The following SLC6A13 variants were observed in gnomAD, a reference collection of about 807,000 sequenced individuals.
SLC6A13 encodes sodium- and chloride-dependent GABA transporter 2.
In SLC6A13, 69 loss-of-function variants were observed where a neutral mutation model predicts 72.9. The ratio of observed to expected loss-of-function variants is 0.95; its 90% CI spans 0.78 to 1.16. SLC6A13 has a LOEUF of 1.16. Ranked by LOEUF, SLC6A13 falls within the 50% of genes most tolerant of loss-of-function variation. The pLI, the probability that SLC6A13 is intolerant of heterozygous loss-of-function variation, is 0.00. For synonymous variants in SLC6A13, 303 were observed against 303.0 expected (o/e 1.00, Z 0.00); for missense variants, 735 against 760.5 (o/e 0.97, Z 0.39).
rs1388629882 is a variant in SLC6A13 at position 224,338 on chromosome 12, C to T, written c.1173+63G>A. 2.7e-6 allele frequency: 4 copies of T among 1,464,804 alleles called. No homozygotes were observed. In the East Asian group the frequency reaches 6.8e-5, roughly 25 times the overall value. 90.7% of individuals were successfully genotyped at this position (1,464,804 alleles called of 1,614,324 possible). A position where few individuals can be genotyped will look rare whatever the true frequency, so the allele number is the denominator to read the frequency against. The stretch of plus-strand genomic sequence containing the variant: ...CCACTTCTGACATTCACCCATGGCT[C>T]CTCCTCCCCAGCACACACCCCCCCA... On this transcript the variant is annotated intron_variant, in intron 10 of 14. Coordinates refer to ENST00000343164, the MANE Select transcript of SLC6A13 (RefSeq NM_016615.5).
Position 243,747 on chromosome 12 carries a change from G to A in SLC6A13, c.269C>T (p.Thr90Ile), listed in dbSNP as rs760465048. The A allele has an allele frequency of 6.2e-7, 1 of 1,614,132 alleles. No individual in the cohort carries two copies. The highest frequency in any genetic ancestry group is 1.1e-5 in the South Asian group (1 of 91,086). The part of the protein sequence containing the change: ...TCGIPVFLLE[T>I]ALGQYTSQGG... The stretch of plus-strand genomic sequence containing the variant: ...CTGGCTAGTGTACTGGCCTAGTGCT[G>A]TCTCCAGAAGGAAGACAGGAATGCC... Residue 90 changes from threonine to isoleucine, a missense_variant, in exon 3 of 15, where the codon ACA becomes ATA. Thr to Ile is a moderately conservative substitution (Grantham distance 89). Transcript: ENST00000343164.
intron 7 of SLC6A13, among the ~76,000 whole-genome samples, chr12:229,519 G>C (rs1476083624): frequency 6.6e-6 from 1 of 152,186 alleles, no homozygotes; most frequent in African/African-American, 2.4e-5. Flanking sequence ...TCAAGAGCAG[G>C]ACCTTCTGGC....
intron 1 of SLC6A13, among the ~76,000 whole-genome samples, chr12:261,251 T>C (rs1942918154): frequency 6.6e-6 from 1 of 152,240 alleles, no homozygotes; most frequent in Non-Finnish European, 1.5e-5. Context: ...TCTTTTCATT[T>C]AATTCTCACA....
chr12:239,743 A>G (rs1942097464), intron 4 of SLC6A13, among the ~76,000 whole-genome samples: 2 of 152,128 alleles, frequency 1.3e-5, no homozygotes. Context: ...ATATAGCAGG[A>G]GCTCAACAAG....
chr12:260,450 C>T (rs978425576), intron 1 of SLC6A13, among the ~76,000 whole-genome samples: 3 of 152,130 alleles, frequency 2.0e-5, no homozygotes, highest in Non-Finnish European at 2.9e-5. Context: ...TGCTGGGACA[C>T]GTTGAAAGGA....
chr12:232,967 C>A (rs764889062), intron 7 of SLC6A13, among the ~76,000 whole-genome samples: 17 of 151,972 alleles, frequency 1.1e-4, no homozygotes, highest in Non-Finnish European at 1.5e-5. Flanking sequence ...GAGCTCCCAG[C>A]CTCAGTGTGC....
chr12:226,291 A>G, intron 9 of SLC6A13, 99 bp downstream of exon 9: 1 of 1,452,882 alleles, frequency 6.9e-7, no homozygotes, highest in Non-Finnish European at 9.6e-7. Flanking sequence ...GCCGTAGCTC[A>G]CCCAGAGTGC....
At position 237,205 on chromosome 12, in the gene SLC6A13, C is replaced by A. The variant is rs750911073; in HGVS notation, c.649G>T (p.Val217Phe). The part of the protein sequence containing the change: ...ELALCLLLAW[V>F]ICYFCIWKGV... ...TTCCAGATGCAGAAGTAGCAGATGACCCAGGCCAGCAGGAGGCACAGAGCC... is the reference window on the plus strand; with the variant it reads ...TTCCAGATGCAGAAGTAGCAGATGAACCAGGCCAGCAGGAGGCACAGAGCC... The change falls in exon 6 of 15, where the codon GTC becomes TTC. Residue 217 changes from valine (V) to phenylalanine (F), a missense_variant. Val to Phe is a conservative substitution (Grantham distance 50, BLOSUM62 -1). Coordinates refer to ENST00000343164, the MANE Select transcript of SLC6A13 (RefSeq NM_016615.5). 6 of 1,614,076 alleles carry A rather than the reference C, an allele frequency of 3.7e-6. No homozygotes were observed. In the East Asian group the frequency reaches 1.1e-4, roughly 30 times the overall value.
intron 1 of SLC6A13, 92 bp downstream of exon 1, chr12:262,697 A>T (rs1160846804): frequency 3.0e-6 from 3 of 985,212 alleles, no homozygotes; most frequent in Non-Finnish European, 3.6e-6. Flanking sequence ...GAGGGTAAGA[A>T]AAAAGTCCTT....
chr12:253,755 T>C (rs755247342), intron 2 of SLC6A13: 6 of 152,262 alleles, frequency 3.9e-5, no homozygotes, highest in Non-Finnish European at 8.8e-5. Flanking sequence ...GACCTAGGTA[T>C]GGGAAGACTG....
chr12:251,048 C>T (rs1942525424), intron 2 of SLC6A13, among the ~76,000 whole-genome samples: 1 of 151,470 alleles, frequency 6.6e-6, no homozygotes. Context: ...CCCAGCTACT[C>T]GCGAGGCTGA....
chr12:262,686 C>A (rs368082174), intron 1 of SLC6A13, 103 bp downstream of exon 1: 29 of 984,908 alleles, frequency 2.9e-5, no homozygotes, highest in Admixed American at 6.2e-5. Context: ...ACTTTCTAGG[C>A]GAGGGTAAGA....
chr12:253,131 G>A (rs1407126013), intron 2 of SLC6A13, among the ~76,000 whole-genome samples: 1 of 152,358 alleles, frequency 6.6e-6, no homozygotes, highest in East Asian at 1.9e-4. Flanking sequence ...ATTCTAAAAT[G>A]TGCTGGCATT....
intron 2 of SLC6A13, among the ~76,000 whole-genome samples, chr12:251,878 A>G (rs1353708672): frequency 6.6e-6 from 1 of 152,178 alleles, no homozygotes; most frequent in Non-Finnish European, 1.5e-5. Context: ...TGGGAAGATC[A>G]TTTGAGCTCA....
rs1941342802 is a variant in SLC6A13, at chr12:224,202, C to T, written c.1174-73G>A. The stretch of plus-strand genomic sequence containing the variant: ...GCCCTGTCCATGAGCGCTGGCTTCT[C>T]GCTCCCAGGATCAGCCCTGCCAGCC... On this transcript the variant is annotated intron_variant, in intron 10 of 14. Transcript: ENST00000343164. 7 of 1,584,134 alleles carry T rather than the reference C, an allele frequency of 4.4e-6. No homozygotes were observed. In the Admixed American group the frequency reaches 6.9e-5, roughly 16 times the overall value.
At chr12:256,135 C>A (rs1325995481) in intron 2 of SLC6A13, among the ~76,000 whole-genome samples, 1 of 152,100 alleles carries the variant, frequency 6.6e-6, no homozygotes, top group African/African-American at 2.4e-5. Context: ...GGAATGCTAC[C>A]TAATTTACTC....
intron 8 of SLC6A13, 81 bp from the exon 9 acceptor site, chr12:226,595 A>G (rs1941466149): frequency 1.1e-5 from 17 of 1,506,146 alleles, no homozygotes; most frequent in Non-Finnish European, 1.4e-5. Flanking sequence ...GTCTGGGAGC[A>G]CAGCCCCTCC....
chr12:257,066 CTCT>C (rs1942770742), intron 2 of SLC6A13, among the ~76,000 whole-genome samples: 1 of 152,122 alleles, frequency 6.6e-6, no homozygotes, highest in Non-Finnish European at 1.5e-5. Flanking sequence ...AGGCAGCAGT[CTCT>C]TCTTTGGCAA....
intron 6 of SLC6A13, among the ~76,000 whole-genome samples, chr12:235,588 A>C (rs959725851): frequency 1.3e-5 from 2 of 152,172 alleles, no homozygotes; most frequent in African/African-American, 4.8e-5. Flanking sequence ...AATTGTATTA[A>C]CTGTACAAAT....
Sources: gnomAD v4.1 joint callset for allele counts (sites outside exome capture counted in the v4.1 genomes callset) on GRCh38, gnomAD v4.1.1 for gene constraint, MANE v1.5 for transcripts, NCBI Gene and HGNC (gene_info 2026-07-23, HGNC 2026-07-21) for gene names.